ANKFN1: variants seen among roughly 807,000 people sequenced by gnomAD.
ANKFN1 encodes the protein ankyrin repeat and fibronectin type-III domain-containing protein 1.
A neutral mutation model predicts 108.7 loss-of-function variants in ANKFN1; 74 were observed. That is an observed-to-expected ratio of 0.68 (90% CI 0.56 to 0.83). The LOEUF (loss-of-function observed/expected upper bound fraction) is 0.83, where lower values mean the gene tolerates loss of function less well. Ranked by LOEUF, ANKFN1 falls within the 40% of genes least tolerant of loss-of-function variation. ANKFN1 has a pLI of 0.00. For synonymous variants in ANKFN1, 547 were observed against 516.2 expected, an observed-to-expected ratio of 1.06 and a Z score of -0.81; for missense variants, 1,505 against 1,382.3, an observed-to-expected ratio of 1.09 and a Z score of -1.41.
At chr17:56,481,867 C>A (rs980528829) in intron 17 of ANKFN1, among the ~76,000 whole-genome samples, 3 of 152,074 alleles carry the variant, frequency 2.0e-5, no homozygotes, top group African/African-American at 7.2e-5. Context: ...AGGTTTGAAG[C>A]AGCTCATATT....
Position 56,513,975 on chromosome 17 carries a change from C to G in ANKFN1, c.*2706C>G, listed in dbSNP as rs933153558. On this transcript the variant is annotated 3_prime_UTR_variant, in exon 21 of 21. Coordinates refer to ENST00000682825, the MANE Select transcript of ANKFN1 (RefSeq NM_001370326.1). ...TTCTTGTGAGAGACAACTGTGTTCTCTAATTCACAGTCCTTTATTCATTTG... is the reference window on the plus strand; with the variant it reads ...TTCTTGTGAGAGACAACTGTGTTCTGTAATTCACAGTCCTTTATTCATTTG... Among the ~76,000 whole-genome samples the G allele has an allele frequency of 6.6e-6, 1 of 152,200 alleles. No individual in the cohort carries two copies. The highest frequency in any genetic ancestry group is 2.4e-5 in the African/African-American group (1 of 41,462).
intron 2 of ANKFN1, chr17:56,215,759 A>G (rs949025850): frequency 6.6e-6 from 1 of 152,246 alleles, no homozygotes; most frequent in Non-Finnish European, 1.5e-5. Context: ...TAATAATTTT[A>G]TAACATGGGG....
At chr17:56,192,887 C>A (rs1312304531) in intron 1 of ANKFN1, among the ~76,000 whole-genome samples, 1 of 112,418 alleles carries the variant, frequency 8.9e-6, no homozygotes. Context: ...TTTGACCCAG[C>A]CATCCCATTA....
At chr17:56,301,299 C>T (rs1015934910) in intron 3 of ANKFN1, among the ~76,000 whole-genome samples, 3 of 152,234 alleles carry the variant, frequency 2.0e-5, no homozygotes, top group Non-Finnish European at 2.9e-5. Flanking sequence ...TTGTCTCCTT[C>T]CTGGCAACAT....
intron 4 of ANKFN1, among the ~76,000 whole-genome samples, chr17:56,053,131 G>C (rs529206649): frequency 6.6e-6 from 1 of 152,234 alleles, no homozygotes; most frequent in East Asian, 1.9e-4. Flanking sequence ...TAGGGGCTTT[G>C]AGCATATATT....
intron 20 of ANKFN1, among the ~76,000 whole-genome samples, chr17:56,501,375 T>C (rs193043835): frequency 6.6e-6 from 1 of 152,024 alleles, no homozygotes; most frequent in Non-Finnish European, 1.5e-5. Context: ...GAAGAGACCA[T>C]AAGGGAAAAT....
chr17:56,336,730 T>C (rs1314974031), intron 4 of ANKFN1, among the ~76,000 whole-genome samples: 3 of 152,188 alleles, frequency 2.0e-5, no homozygotes, highest in African/African-American at 4.8e-5. Flanking sequence ...TCAGTTCTGC[T>C]CTGATCTTAG....
intron 1 of ANKFN1, among the ~76,000 whole-genome samples, chr17:56,198,351 C>T (rs1268913129): frequency 6.6e-6 from 1 of 152,186 alleles, no homozygotes; most frequent in Non-Finnish European, 1.5e-5. Flanking sequence ...CTCTCACATG[C>T]ACTGTTCACA....
intron 8 of ANKFN1, among the ~76,000 whole-genome samples, chr17:56,436,246 C>T (rs2145139290): frequency 6.6e-6 from 1 of 152,304 alleles, no homozygotes; most frequent in South Asian, 2.1e-4. Context: ...CAAGGAATCA[C>T]AGTGTGAGCC....
At chr17:56,397,188 C>G (rs1006476640) in intron 8 of ANKFN1, among the ~76,000 whole-genome samples, 1 of 152,050 alleles carries the variant, frequency 6.6e-6, no homozygotes, top group African/African-American at 2.4e-5. Context: ...CCATCACCCC[C>G]AACTAATCCC....
intron 19 of ANKFN1, among the ~76,000 whole-genome samples, chr17:56,497,651 G>A (rs1482340090): frequency 6.6e-6 from 1 of 152,158 alleles, no homozygotes; most frequent in African/African-American, 2.4e-5. Flanking sequence ...ATCAGAGAGA[G>A]AGATTAACCT....
intron 19 of ANKFN1, among the ~76,000 whole-genome samples, chr17:56,497,451 C>G (rs2051235217): frequency 6.6e-6 from 1 of 152,168 alleles, no homozygotes; most frequent in African/African-American, 2.4e-5. Flanking sequence ...CTGCCATTCA[C>G]TAGTTCACTC....
intron 15 of ANKFN1, 23 bp downstream of exon 15, chr17:56,466,594 C>A (rs1029940474): frequency 1.9e-6 from 3 of 1,565,532 alleles, no homozygotes; most frequent in Non-Finnish European, 8.7e-7. Context: ...TTTCTTAATT[C>A]CCGGGTATAC....
At position 56,515,971 on chromosome 17, in the gene ANKFN1, A is replaced by AT. The variant is rs200266803; in HGVS notation, c.*4711dup. Among the ~76,000 whole-genome samples the AT allele has an allele frequency of 1.2e-4, 18 of 151,866 alleles. 1 individual carries two copies. Among genetic ancestry groups the AT allele is most frequent in the African/African-American group, 3.4e-4 (14 of 41,426 alleles). ...TTATCATAGGGTCTTTCTCCTACAG[A>AT]TTTTTTTTTATTTTAGCAAAAGCCA... is the stretch of plus-strand genomic sequence containing the variant. On this transcript the variant is annotated 3_prime_UTR_variant, in exon 21 of 21. Transcript: ENST00000682825.
At chr17:56,379,795 G>C (rs931157439) in intron 8 of ANKFN1, among the ~76,000 whole-genome samples, 1 of 152,098 alleles carries the variant, frequency 6.6e-6, no homozygotes, top group African/African-American at 2.4e-5. Flanking sequence ...CTTTTATCTA[G>C]AGAATATTTT....
chr17:56,449,185 G>A lies in ANKFN1; in HGVS notation c.1206G>A (p.Arg402=), dbSNP rs747822420. Residue 402 remains arginine, a splice_region_variant and synonymous_variant, in exon 11 of 21, where the codon CGG becomes CGA. Transcript: ENST00000682825. ...CCCTTCATCAGCATTACAGTTGCCGGGGTAAGGATAAAAATCTGTGCTGGG... is the reference window on the plus strand; with the variant it reads ...CCCTTCATCAGCATTACAGTTGCCGAGGTAAGGATAAAAATCTGTGCTGGG... The part of the protein sequence containing the change: ...VRALHQHYSC[R]ESTKLQTTGR... 5 of 1,612,430 alleles carry A rather than the reference G, an allele frequency of 3.1e-6. No homozygotes were observed. The South Asian group carries it at 4.4e-5, about 14-fold the overall frequency.
intron 6 of ANKFN1, among the ~76,000 whole-genome samples, chr17:56,362,708 T>C (rs1350772223): frequency 6.6e-6 from 1 of 152,136 alleles, no homozygotes; most frequent in Non-Finnish European, 1.5e-5. Flanking sequence ...CTTTTGCATA[T>C]AAGCCCAAAA....
In ANKFN1 at chr17:56,356,416, A is replaced by G. The variant is rs189882304; in HGVS notation, c.601+2370A>G. Among the ~76,000 whole-genome samples, 16 of 152,332 alleles carry G rather than the reference A, an allele frequency of 1.1e-4. No homozygotes were observed. In the East Asian group the frequency reaches 2.9e-3, roughly 28 times the overall value. ...CCAAGTGGTGAGACCCAGAAGGCTG[A>G]AAGAGAAGCAAGCAAATATATAATT... On this transcript the variant is annotated intron_variant, in intron 6 of 20. Transcript: ENST00000682825.
At chr17:56,257,305 G>A (rs1382437814) in intron 3 of ANKFN1, among the ~76,000 whole-genome samples, 1 of 152,184 alleles carries the variant, frequency 6.6e-6, no homozygotes, top group Non-Finnish European at 1.5e-5. Context: ...GAATCCTGGA[G>A]CCCATAAGCA....
Sources: allele counts gnomAD v4.1 joint callset (sites outside exome capture counted in the v4.1 genomes callset), GRCh38; gene constraint gnomAD v4.1.1; transcripts MANE v1.5; gene names NCBI Gene and HGNC (gene_info 2026-07-23, HGNC 2026-07-21).